PSMB7: variants seen among roughly 807,000 people sequenced by gnomAD.
PSMB7 encodes the protein proteasome 20S subunit beta 7.
In PSMB7, 5 loss-of-function variants were observed where a neutral mutation model predicts 28.1. That is an observed-to-expected ratio of 0.18 (90% confidence interval 0.09 to 0.37). PSMB7 has a LOEUF of 0.37. PSMB7 is among the 10% of genes least tolerant of loss of function. The pLI, the probability that PSMB7 is intolerant of heterozygous loss-of-function variation, is 1.00. For synonymous variants in PSMB7, 122 were observed against 123.7 expected (o/e 0.99, Z 0.09); for missense variants, 275 against 346.2 (o/e 0.79, Z 1.63).
At chr9:124,374,110 C>T (rs1830587138) in intron 6 of PSMB7, among the ~76,000 whole-genome samples, 1 of 152,106 alleles carries the variant, frequency 6.6e-6, no homozygotes, top group African/African-American at 2.4e-5. Flanking sequence ...TGAAATATTA[C>T]ACAAAGTGAA....
intron 6 of PSMB7, among the ~76,000 whole-genome samples, chr9:124,375,587 A>T (rs1388785232): frequency 6.6e-6 from 1 of 152,184 alleles, no homozygotes; most frequent in African/African-American, 2.4e-5. Flanking sequence ...AAAACCTAAA[A>T]ATCTGGAGAA....
chr9:124,356,732 G>A lies in PSMB7; in HGVS notation c.722+32C>T, dbSNP rs142665596. ...ACCAAGGGTGGCCACGACGCCAGGG[G>A]ACCCAGGAAGAACTTCGTCTCCTTC... On this transcript the variant is annotated intron_variant, in intron 7 of 7. Transcript: ENST00000259457. The surrounding 1 kb of genome is among the most constrained non-coding windows in gnomAD (Gnocchi z 4.4). The A allele has an allele frequency of 1.5e-3, 2,424 of 1,596,892 alleles. 3 individuals carry two copies. Among genetic ancestry groups the A allele is most frequent in the South Asian group, 2.5e-3 (227 of 89,940 alleles).
At chr9:124,399,936 G>T (rs1268862486) in intron 5 of PSMB7, among the ~76,000 whole-genome samples, 1 of 152,164 alleles carries the variant, frequency 6.6e-6, no homozygotes, top group Non-Finnish European at 1.5e-5. Flanking sequence ...TCCCTGGCTT[G>T]AAAGAGCAGG....
chr9:124,397,985 C>A (rs140707924), intron 5 of PSMB7, among the ~76,000 whole-genome samples: 1 of 152,016 alleles, frequency 6.6e-6, no homozygotes, highest in Non-Finnish European at 1.5e-5. Flanking sequence ...CTGGCCAACA[C>A]GGTGAAACCC....
intron 4 of PSMB7, among the ~76,000 whole-genome samples, chr9:124,410,565 T>A (rs961182699): frequency 3.9e-5 from 6 of 152,232 alleles, no homozygotes; most frequent in African/African-American, 2.4e-5. Context: ...ATCTGATCAA[T>A]AGGTGTGCTT....
chr9:124,372,465 G>C (rs1830572512), intron 6 of PSMB7, among the ~76,000 whole-genome samples: 1 of 152,194 alleles, frequency 6.6e-6, no homozygotes, highest in Non-Finnish European at 1.5e-5. Context: ...AATGTATATA[G>C]TCACTTTCCT....
intron 6 of PSMB7, among the ~76,000 whole-genome samples, chr9:124,369,684 C>T (rs556106729): frequency 3.3e-5 from 5 of 152,252 alleles, no homozygotes; most frequent in African/African-American, 7.2e-5. Flanking sequence ...CAGGACTGCA[C>T]GACTGAGAGG....
chr9:124,413,859 C>A, intron 3 of PSMB7, 49 bp downstream of exon 3: 1 of 1,337,216 alleles, frequency 7.5e-7, no homozygotes. Flanking sequence ...AATTTTTAGC[C>A]CTGACATGTT....
intron 6 of PSMB7, among the ~76,000 whole-genome samples, chr9:124,371,955 T>C (rs1830567583): frequency 6.6e-6 from 1 of 152,230 alleles, no homozygotes; most frequent in Admixed American, 6.5e-5. Flanking sequence ...ATATGGTGTA[T>C]GTCCCCCTAC....
intron 6 of PSMB7, among the ~76,000 whole-genome samples, chr9:124,376,401 T>C (rs1039802915): frequency 6.6e-6 from 1 of 151,884 alleles, no homozygotes; most frequent in East Asian, 1.9e-4. Flanking sequence ...AAAAAAAAAA[T>C]CTAGAATTAA....
intron 6 of PSMB7, among the ~76,000 whole-genome samples, chr9:124,374,407 CTGT>C (rs1403837120): frequency 2.0e-5 from 3 of 152,194 alleles, no homozygotes; most frequent in Non-Finnish European, 4.4e-5. Flanking sequence ...ATCAATGAAG[CTGT>C]TATTACATAG....
chr9:124,398,472 A>C (rs1830864109), intron 5 of PSMB7: 1 of 363,530 alleles, frequency 2.8e-6, no homozygotes, highest in Non-Finnish European at 5.6e-6. Context: ...TTCACAATGG[A>C]CTTGGATTGG....
intron 4 of PSMB7, among the ~76,000 whole-genome samples, chr9:124,411,480 A>G (rs1831026752): frequency 6.6e-6 from 1 of 152,248 alleles, no homozygotes; most frequent in Non-Finnish European, 1.5e-5. Context: ...CATTCTACAC[A>G]GAAGGAAAAA....
chr9:124,389,476 G>A (rs927660894), intron 5 of PSMB7, among the ~76,000 whole-genome samples: 5 of 152,244 alleles, frequency 3.3e-5, no homozygotes, highest in Admixed American at 2.0e-4. Context: ...GAATGTAAGT[G>A]AGGACACTAT....
intron 4 of PSMB7, among the ~76,000 whole-genome samples, chr9:124,409,840 C>T (rs1831009610): frequency 6.6e-6 from 1 of 152,128 alleles, no homozygotes. Context: ...AAACTCTTTC[C>T]TTATACCACT....
chr9:124,394,378 C>T (rs1055681624), intron 5 of PSMB7, among the ~76,000 whole-genome samples: 14 of 152,246 alleles, frequency 9.2e-5, no homozygotes, highest in African/African-American at 2.6e-4. Context: ...TTAGCAGGGG[C>T]GACTCTGGTC....
chr9:124,406,288 A>C (rs551724889), intron 4 of PSMB7, among the ~76,000 whole-genome samples: 380 of 152,146 alleles, frequency 2.5e-3, no homozygotes, highest in Non-Finnish European at 4.6e-3. Flanking sequence ...AAATCACTTG[A>C]GTCCAGGAGT....
intron 6 of PSMB7, chr9:124,383,671 C>T (rs910256658): frequency 6.6e-6 from 1 of 152,164 alleles, no homozygotes; most frequent in Non-Finnish European, 1.5e-5. Context: ...AAGCAATTCC[C>T]AGAGACACCC....
intron 5 of PSMB7, among the ~76,000 whole-genome samples, chr9:124,399,791 A>ACCACCACTG (rs927180424): frequency 6.6e-6 from 1 of 151,988 alleles, no homozygotes; most frequent in African/African-American, 2.4e-5. Context: ...CCCTACCGCC[A>ACCACCACTG]CCACCACTGG....
Sources: allele counts gnomAD v4.1 joint callset (sites outside exome capture counted in the v4.1 genomes callset), GRCh38; gene constraint gnomAD v4.1.1; non-coding constraint Gnocchi (gnomAD v3.1); transcripts MANE v1.5; gene names NCBI Gene and HGNC (gene_info 2026-07-23, HGNC 2026-07-21).